Variants in UTS2 observed in about 807,000 individuals in gnomAD.
UTS2 encodes urotensin 2.
UTS2 carries 10 observed loss-of-function variants against 12.6 expected under a neutral mutation model. That is an observed-to-expected ratio of 0.80 (90% CI 0.49 to 1.35). UTS2 has a LOEUF of 1.35. Among genes scored for constraint, UTS2 ranks in the 40% most tolerant of loss-of-function variants. The pLI is 0.00. For synonymous variants in UTS2, 52 were observed against 50.0 expected, an observed-to-expected ratio of 1.04 and a Z score of -0.17; for missense variants, 142 against 143.2, an observed-to-expected ratio of 0.99 and a Z score of 0.04.
At chr1:7,892,779 G>A in the UTS2 span, among the ~76,000 whole-genome samples, 7 of 151,988 alleles carry the variant, frequency 4.6e-5, no homozygotes, top group South Asian at 4.2e-4. Flanking sequence ...GAGCCACCTC[G>A]CCCGGCCCCA....
At chr1:7,862,961 A>G in the UTS2 span, among the ~76,000 whole-genome samples, 17 of 150,152 alleles carry the variant, frequency 1.1e-4, no homozygotes, top group Non-Finnish European at 2.4e-4. Flanking sequence ...AATAAGGCCT[A>G]CCCTGACGGC....
upstream of UTS2, among the ~76,000 whole-genome samples, chr1:7,855,790 C>G (rs1455622510): frequency 6.6e-6 from 1 of 151,982 alleles, no homozygotes; most frequent in Non-Finnish European, 1.5e-5. Context: ...TAGCCTTGAC[C>G]TCCCAGGCTC....
At chr1:7,849,824 G>A (rs561595219) in intron 2 of UTS2, 141 bp from the exon 3 acceptor site, 8 of 682,788 alleles carry the variant, frequency 1.2e-5, no homozygotes, top group Non-Finnish European at 1.6e-5. Context: ...CTTGAATGCA[G>A]ACAGACAGGC....
chr1:7,889,539 T>C, the UTS2 span, among the ~76,000 whole-genome samples: 2 of 151,856 alleles, frequency 1.3e-5, no homozygotes. Flanking sequence ...GTGCAGTGGC[T>C]CATGCCTGTA....
upstream of UTS2, among the ~76,000 whole-genome samples, chr1:7,855,100 G>T (rs1026424488): frequency 5.9e-5 from 9 of 152,064 alleles, no homozygotes; most frequent in African/African-American, 9.7e-5. Context: ...GGCAGAGGTT[G>T]CAGTGAGCCA....
chr1:7,865,471 G>A, the UTS2 span, among the ~76,000 whole-genome samples: 2 of 87,142 alleles, frequency 2.3e-5, no homozygotes, highest in African/African-American at 3.5e-5. Flanking sequence ...CTCCCACAGC[G>A]GTCCCTCTGT....
upstream of UTS2, among the ~76,000 whole-genome samples, chr1:7,858,357 GCAAA>G (rs1312999615): frequency 1.3e-5 from 2 of 152,106 alleles, no homozygotes; most frequent in Non-Finnish European, 2.9e-5. Context: ...CTAATTAGCT[GCAAA>G]CAAAGTAACT....
the UTS2 span, among the ~76,000 whole-genome samples, chr1:7,893,427 C>T: frequency 3.3e-5 from 5 of 152,028 alleles, no homozygotes; most frequent in East Asian, 5.8e-4. Context: ...CTTGATCCCA[C>T]GTTGCAGTGA....
At chr1:7,880,339 G>A in the UTS2 span, among the ~76,000 whole-genome samples, 1 of 143,288 alleles carries the variant, frequency 7.0e-6, no homozygotes, top group Non-Finnish European at 1.5e-5. Context: ...AAATCACAAA[G>A]GATCAAAAAA....
chr1:7,852,554 C>A (rs986998972), intron 1 of UTS2, among the ~76,000 whole-genome samples: 19 of 152,194 alleles, frequency 1.2e-4, no homozygotes, highest in African/African-American at 4.3e-4. Context: ...TACATTCAAC[C>A]AGTTCATTTA....
chr1:7,853,205 C>T, upstream of UTS2: 1 of 1,546,494 alleles, frequency 6.5e-7, no homozygotes, highest in Non-Finnish European at 8.7e-7. Flanking sequence ...TTCAAGGTAA[C>T]AAGTCATAGA....
At chr1:7,869,666 G>A in the UTS2 span, among the ~76,000 whole-genome samples, 9 of 152,238 alleles carry the variant, frequency 5.9e-5, no homozygotes, top group Non-Finnish European at 1.0e-4. Context: ...GCCAAGGAGC[G>A]ATGTTCCGGG....
rs114826831 is a variant in UTS2 at position 7,853,014 on chromosome 1, A to G, written c.-11T>C. On this transcript the variant is annotated 5_prime_UTR_variant, in exon 1 of 4. Coordinates refer to ENST00000361696, the MANE Select transcript of UTS2 (RefSeq NM_006786.4). ...GGCCAGCTTATACATGATCGCCACA[A>G]GATAGACGGCTTCCTTCTTGGCTTC... is the stretch of plus-strand genomic sequence containing the variant. The G allele has an allele frequency of 3.1e-4, 494 of 1,600,922 alleles. 3 individuals are homozygous for G. The African/African-American group carries it at 5.8e-3, about 19-fold the overall frequency.
At chr1:7,853,119 C>G (rs1434429632), upstream of UTS2, 2 of 1,447,476 alleles carry the variant, frequency 1.4e-6, no homozygotes, top group Admixed American at 5.8e-5. Flanking sequence ...TGACATCATC[C>G]TCTCCAAAAA....
chr1:7,895,040 G>A, the UTS2 span, among the ~76,000 whole-genome samples: 6 of 151,706 alleles, frequency 4.0e-5, no homozygotes, highest in South Asian at 1.2e-3. Context: ...TCGGCTTTGT[G>A]CATAAGGACA....
At chr1:7,891,536 A>AAAGAAAAGAAAGAAAGAAAG in the UTS2 span, among the ~76,000 whole-genome samples, 47 of 109,904 alleles carry the variant, frequency 4.3e-4, no homozygotes, top group Non-Finnish European at 7.5e-4. Context: ...AGAAAGAAAG[A>AAAGAAAAGAAAGAAAGAAAG]AAAGAAAGAA....
chr1:7,853,187 T>C, upstream of UTS2: 3 of 1,526,694 alleles, frequency 2.0e-6, no homozygotes, highest in Non-Finnish European at 2.6e-6. Context: ...TTTGCATTGA[T>C]GTAATTTTTC....
In UTS2 at chr1:7,847,848, A is replaced by G. The variant is rs759812361; in HGVS notation, c.293T>C (p.Leu98Ser). ...GATTCTGGCCAAAAGATGACTCAGT[A>G]AAATGTTAGGATCTTGTCCAGAGAA... Reference protein sequence around the residue: ...QDFSGQDPNILLSHLLARIWK... With the variant: ...QDFSGQDPNISLSHLLARIWK... The change falls in exon 4 of 4, where the codon TTA (leucine) becomes TCA (serine). Residue 98 changes from leucine (L) to serine (S), a missense_variant. Physicochemically the swap from Leu to Ser is moderately radical, Grantham distance 145. Coordinates refer to ENST00000361696, the MANE Select transcript of UTS2 (RefSeq NM_006786.4). 2 of 1,613,988 alleles carry G rather than the reference A, an allele frequency of 1.2e-6. No individual in the cohort carries two copies. The highest frequency in any genetic ancestry group is 1.7e-6 in the Non-Finnish European group (2 of 1,179,926).
upstream of UTS2, among the ~76,000 whole-genome samples, chr1:7,855,370 G>C (rs1034661419): frequency 6.6e-6 from 1 of 152,046 alleles, no homozygotes; most frequent in Non-Finnish European, 1.5e-5. Flanking sequence ...GATCACCTGA[G>C]GTCAAGAGTT....
Sources: allele counts gnomAD v4.1 joint callset (sites outside exome capture counted in the v4.1 genomes callset), GRCh38; gene constraint gnomAD v4.1.1; transcripts MANE v1.5; gene names NCBI Gene and HGNC (gene_info 2026-07-23, HGNC 2026-07-21).